Variants in NMU observed in about 807,000 individuals in gnomAD.
NMU encodes the protein neuromedin U.
Under a neutral mutation model 35.4 loss-of-function variants are expected in NMU, and 29 were observed. That is an observed-to-expected ratio of 0.82 (90% CI 0.61 to 1.12). NMU has a LOEUF of 1.12. Among genes scored for constraint, NMU ranks in the 50% most tolerant of loss-of-function variants. The probability of loss-of-function intolerance (pLI) is 0.00; values close to 1 mark genes in which losing one functional copy is unlikely to be tolerated. For synonymous variants in NMU, 78 were observed against 81.3 expected, an observed-to-expected ratio of 0.96 and a Z score of 0.22; for missense variants, 199 against 206.2, an observed-to-expected ratio of 0.97 and a Z score of 0.21.
rs1050813495 is a variant in NMU, at chr4:55,636,007, T to C, written c.112+74A>G. ...CCAAGTAAAGGTGAGAGAAAGAGGGTGGAGGAGAGCGGTGAGTGGAGCCAG... is the reference window on the plus strand; with the variant it reads ...CCAAGTAAAGGTGAGAGAAAGAGGGCGGAGGAGAGCGGTGAGTGGAGCCAG... On this transcript the variant is annotated intron_variant, in intron 1 of 9. Coordinates refer to ENST00000264218, the MANE Select transcript of NMU (RefSeq NM_006681.4). This position sits in a 1 kb window ranked among gnomAD's most constrained non-coding sequence, Gnocchi z 4.0. 3.5e-5 allele frequency: 53 copies of C among 1,530,098 alleles called. No homozygotes were observed. The highest frequency in any genetic ancestry group is 1.8e-4 in the Admixed American group (9 of 50,936). The allele number at this position is 1,530,098 out of a possible 1,614,324, so 94.8% of individuals were successfully genotyped here. A position where few individuals can be genotyped will look rare whatever the true frequency, so the allele number is the denominator to read the frequency against.
chr4:55,625,043 A>T (rs1334085494), intron 2 of NMU, among the ~76,000 whole-genome samples: 4 of 101,608 alleles, frequency 3.9e-5, no homozygotes, highest in Non-Finnish European at 8.1e-5. Context: ...GGGGAGGGAT[A>T]GCATTGGGAG....
chr4:55,636,336 A>G, upstream of NMU: 1 of 1,250,522 alleles, frequency 8.0e-7, no homozygotes, highest in Non-Finnish European at 1.0e-6. The surrounding 1 kb of genome is among the most constrained non-coding windows in gnomAD (Gnocchi z 4.0). Flanking sequence ...AATCTCGCGC[A>G]CAAGTGGGCT....
intron 2 of NMU, 66 bp downstream of exon 2, chr4:55,630,336 A>AT (rs1230942960): frequency 8.5e-7 from 1 of 1,176,460 alleles, no homozygotes; most frequent in East Asian, 2.3e-5. Context: ...TCAATTATAC[A>AT]TTTTAACATG....
intron 2 of NMU, among the ~76,000 whole-genome samples, chr4:55,616,907 A>C (rs1734126857): frequency 6.6e-6 from 1 of 152,156 alleles, no homozygotes; most frequent in Non-Finnish European, 1.5e-5. Context: ...TTTTATAATG[A>C]GGGTTTATTG....
At chr4:55,613,734 T>C (rs1304664282) in intron 3 of NMU, among the ~76,000 whole-genome samples, 2 of 152,058 alleles carry the variant, frequency 1.3e-5, no homozygotes, top group Non-Finnish European at 2.9e-5. Context: ...AAGCAGAGGT[T>C]TGAAACCCAA....
intron 7 of NMU, 91 bp downstream of exon 7, chr4:55,605,184 C>T (rs1347373973): frequency 1.2e-6 from 1 of 866,246 alleles, no homozygotes. Flanking sequence ...TCCTGAAGAG[C>T]AGCATTTGAT....
chr4:55,601,289 A>G (rs1289831834), intron 7 of NMU, among the ~76,000 whole-genome samples: 1 of 152,110 alleles, frequency 6.6e-6, no homozygotes, highest in African/African-American at 2.4e-5. Context: ...TTCATTAACA[A>G]TTACCTATAT....
At chr4:55,604,352 G>C (rs1024069525) in intron 7 of NMU, among the ~76,000 whole-genome samples, 2 of 151,518 alleles carry the variant, frequency 1.3e-5, no homozygotes, top group African/African-American at 4.8e-5. Context: ...AGGCATGAGC[G>C]ACAAGAGTTA....
At chr4:55,635,951 G>A (rs1715891636) in intron 1 of NMU, 130 bp downstream of exon 1, 1 of 1,478,516 alleles carries the variant, frequency 6.8e-7, no homozygotes, top group Non-Finnish European at 9.1e-7. Flanking sequence ...AAACCCCGCG[G>A]CACCAGAGAA....
intron 9 of NMU, among the ~76,000 whole-genome samples, chr4:55,598,330 C>T (rs1733284848): frequency 6.6e-6 from 1 of 151,966 alleles, no homozygotes; most frequent in East Asian, 1.9e-4. Context: ...GCCCTAGCCT[C>T]CCAAAGTGAT....
chr4:55,596,637 A>C (rs758412308), intron 9 of NMU, among the ~76,000 whole-genome samples: 1 of 152,168 alleles, frequency 6.6e-6, no homozygotes, highest in Non-Finnish European at 1.5e-5. Flanking sequence ...ATAATTTATC[A>C]GGCCTCTTCT....
intron 1 of NMU, among the ~76,000 whole-genome samples, chr4:55,634,707 A>T (rs138393435): frequency 1.1e-3 from 166 of 152,332 alleles, no homozygotes; most frequent in African/African-American, 3.8e-3. Flanking sequence ...TTACCATCCT[A>T]AGTTACCAAT....
chr4:55,600,235 C>T (rs2110181127), intron 8 of NMU, among the ~76,000 whole-genome samples: 1 of 152,078 alleles, frequency 6.6e-6, no homozygotes, highest in Non-Finnish European at 1.5e-5. Context: ...ATCTTTAAGA[C>T]AGTTACTTTC....
chr4:55,609,631 A>G (rs1448548229), intron 3 of NMU, among the ~76,000 whole-genome samples: 2 of 152,228 alleles, frequency 1.3e-5, no homozygotes, highest in Admixed American at 1.3e-4. Context: ...ATTGCTCAAA[A>G]ACAATGGGAA....
chr4:55,625,664 AC>A (rs1177374324), intron 2 of NMU, among the ~76,000 whole-genome samples: 2 of 151,162 alleles, frequency 1.3e-5, no homozygotes, highest in African/African-American at 4.9e-5. Flanking sequence ...TCCATTTCCT[AC>A]CCCCATTCCA....
chr4:55,632,732 T>C (rs1263012336), intron 1 of NMU, among the ~76,000 whole-genome samples: 1 of 152,186 alleles, frequency 6.6e-6, no homozygotes, highest in African/African-American at 2.4e-5. Flanking sequence ...ATTTTTATTC[T>C]TATACTTTTG....
chr4:55,625,023 T>A (rs1577959398), intron 2 of NMU, among the ~76,000 whole-genome samples: 2 of 65,394 alleles, frequency 3.1e-5, no homozygotes, highest in Middle Eastern at 6.6e-3. Context: ...TGTGGTGGGG[T>A]GGGGGGAGGG....
intron 8 of NMU, among the ~76,000 whole-genome samples, 185 bp from the exon 9 acceptor site, chr4:55,599,366 G>T (rs1243721783): frequency 6.6e-6 from 1 of 152,110 alleles, no homozygotes; most frequent in Non-Finnish European, 1.5e-5. Context: ...AGAATCCTGA[G>T]AAATTTGTAT....
intron 7 of NMU, among the ~76,000 whole-genome samples, chr4:55,604,418 T>C (rs1403992086): frequency 1.3e-5 from 2 of 152,042 alleles, no homozygotes; most frequent in African/African-American, 4.8e-5. Context: ...AAGAATGTGT[T>C]AATGGGGTTA....
Sources: gnomAD v4.1 joint callset for allele counts (sites outside exome capture counted in the v4.1 genomes callset) on GRCh38, gnomAD v4.1.1 for gene constraint, Gnocchi (gnomAD v3.1) non-coding constraint, MANE v1.5 for transcripts, NCBI Gene and HGNC (gene_info 2026-07-23, HGNC 2026-07-21) for gene names.